EMSY: variants seen among roughly 807,000 people sequenced by gnomAD.
The protein encoded by EMSY is EMSY transcriptional repressor, BRCA2 interacting.
Under a neutral mutation model 134.6 loss-of-function variants are expected in EMSY, and 26 were observed. That is an observed-to-expected ratio of 0.19 (90% CI 0.14 to 0.27). The LOEUF (loss-of-function observed/expected upper bound fraction) is 0.27, where lower values mean the gene tolerates loss of function less well. EMSY is among the 10% of genes least tolerant of loss of function. The pLI is 1.00. For missense variants in EMSY, 1,305 were observed against 1,611.4 expected, an observed-to-expected ratio of 0.81 and a Z score of 3.26; for synonymous variants, 579 against 577.8, an observed-to-expected ratio of 1.00 and a Z score of -0.03.
At chr11:76,545,922 A>G (rs1324627716) in exon 20 of EMSY, 2 of 1,614,200 alleles carry the variant, frequency 1.2e-6, no homozygotes, top group South Asian at 1.1e-5. Context: ...CACCAGTTAC[A>G]AGCATATCTC....
chr11:76,473,753 G>A (rs1325623962), intron 8 of EMSY, among the ~76,000 whole-genome samples: 1 of 152,136 alleles, frequency 6.6e-6, no homozygotes, highest in Non-Finnish European at 1.5e-5. Context: ...ACTTTGGGAA[G>A]CGGAGGCAGG....
At chr11:76,462,363 C>G (rs947324185) in intron 6 of EMSY, among the ~76,000 whole-genome samples, 2 of 152,166 alleles carry the variant, frequency 1.3e-5, no homozygotes, top group Non-Finnish European at 2.9e-5. Flanking sequence ...AGAAGTCATA[C>G]CAACAACATT....
intron 9 of EMSY, 31 bp downstream of exon 10, chr11:76,496,500 ATTC>A (rs1183482001): frequency 6.2e-6 from 10 of 1,607,084 alleles, no homozygotes; most frequent in East Asian, 2.2e-5. Context: ...AGATATGGTA[ATTC>A]TTCTTTATTC....
intron 17 of EMSY, 37 bp downstream of exon 18, chr11:76,539,677 G>T: frequency 6.3e-7 from 1 of 1,599,852 alleles, no homozygotes; most frequent in Non-Finnish European, 8.6e-7. Context: ...ATCACTGAAG[G>T]TAAAAGATGA....
At chr11:76,526,526 C>T in exon 13 of EMSY, 1 of 1,613,768 alleles carries the variant, frequency 6.2e-7, no homozygotes, top group East Asian at 2.2e-5. Context: ...GCTACAAGAC[C>T]CATCACCAAA....
chr11:76,497,379 G>T (rs1949698079), intron 9 of EMSY: 1 of 152,140 alleles, frequency 6.6e-6, no homozygotes, highest in South Asian at 2.1e-4. Context: ...GGTGAGTTTG[G>T]AAGTATTTAT....
Position 76,536,276 on chromosome 11 carries a change from G to A in EMSY, c.2359+217G>A, listed in dbSNP as rs73495423. ...ATGTGCACAGGAATATTGAAGTACA[G>A]ATGGACTATCTGTAGAAAAGAGAAA... On this transcript the variant is annotated intron_variant, in intron 15 of 20. Transcript: ENST00000334736. Among the ~76,000 whole-genome samples the A allele has an allele frequency of 5.0e-3, 758 of 152,190 alleles. 4 individuals are homozygous for A. The highest frequency in any genetic ancestry group is 0.017 in the African/African-American group (720 of 41,524).
chr11:76,530,197 T>C (rs1204162484), intron 14 of EMSY, among the ~76,000 whole-genome samples: 2 of 149,474 alleles, frequency 1.3e-5, no homozygotes, highest in African/African-American at 5.0e-5. Flanking sequence ...TTCACTCTTG[T>C]TGCCCAGACT....
At chr11:76,539,215 T>A (rs1951341037) in intron 16 of EMSY, among the ~76,000 whole-genome samples, 1 of 152,152 alleles carries the variant, frequency 6.6e-6, no homozygotes, top group Admixed American at 6.5e-5. Context: ...AGCAGTAATG[T>A]GAATAATTAA....
At chr11:76,458,324 T>C in exon 5 of EMSY, 1 of 1,613,036 alleles carries the variant, frequency 6.2e-7, no homozygotes, top group Middle Eastern at 1.7e-4. Context: ...ATAATGCATC[T>C]CTTCCAGTGC....
At position 76,521,180 on chromosome 11, in the gene EMSY, A is replaced by G. The variant is rs73495406; in HGVS notation, c.1685-1975A>G. On this transcript the variant is annotated intron_variant, in intron 11 of 20. Coordinates refer to ENST00000334736, the Ensembl canonical transcript of EMSY. ...TAATGAAGAAGTTACTTCTTAGATCAAAGTTTATGGTGTGTACTCTGGAGT... is the reference window on the plus strand; with the variant it reads ...TAATGAAGAAGTTACTTCTTAGATCGAAGTTTATGGTGTGTACTCTGGAGT... Among the ~76,000 whole-genome samples the G allele has an allele frequency of 5.0e-3, 759 of 152,292 alleles. 4 individuals are homozygous for G. Among genetic ancestry groups the G allele is most frequent in the African/African-American group, 0.017 (721 of 41,556 alleles).
Position 76,463,808 on chromosome 11 carries a change from C to A in EMSY, c.572-13C>A. ...TTTGGTATACATATAGCAGTATTGT[C>A]ATTGCCCTTCAGGTGTAAGCTGTTC... is the stretch of plus-strand genomic sequence containing the variant. On this transcript the variant is annotated splice_polypyrimidine_tract_variant and intron_variant, in intron 6 of 20. Transcript: ENST00000334736. 1 of 1,613,710 alleles carries A rather than the reference C, an allele frequency of 6.2e-7. No individual in the cohort carries two copies. Among genetic ancestry groups the A allele is most frequent in the South Asian group, 1.1e-5 (1 of 90,970 alleles).
Position 76,488,018 on chromosome 11 carries a change from A to G in EMSY, c.1109-8197A>G, listed in dbSNP as rs192942435. On this transcript the variant is annotated intron_variant, in intron 8 of 20. Transcript: ENST00000334736. ...TTTTAAAAAATGTTCTTTGAACTTC[A>G]TATTTCTCTAAGGCTCGTGTTAAAA... 4.5e-3 allele frequency among the ~76,000 whole-genome samples: 690 copies of G among 152,322 alleles called. 3 individuals carry two copies. The highest frequency in any genetic ancestry group is 0.017 in the Middle Eastern group (5 of 294).
chr11:76,498,328 A>G (rs568214475), intron 9 of EMSY, among the ~76,000 whole-genome samples: 1 of 152,294 alleles, frequency 6.6e-6, no homozygotes, highest in Non-Finnish European at 1.5e-5. Flanking sequence ...TATGTATATC[A>G]ACTAGATTCT....
At chr11:76,489,754 A>G (rs527787884) in intron 8 of EMSY, among the ~76,000 whole-genome samples, 4 of 152,066 alleles carry the variant, frequency 2.6e-5, no homozygotes, top group African/African-American at 9.6e-5. Context: ...ATGGGCGTGC[A>G]CCACCACGCC....
In EMSY at chr11:76,451,943, A is replaced by G. The variant is rs562451809; in HGVS notation, c.156A>G (p.Leu52=). Residue 52 remains leucine, a synonymous_variant, in exon 3 of 21, where the codon CTA becomes CTG. Coordinates refer to ENST00000334736, the Ensembl canonical transcript of EMSY. ...AAAAGAAAGATCTTCTTGGAGAACT[A>G]TCAAAAGTTCTTAGGTAAATTATTG... 2.1e-5 allele frequency: 33 copies of G among 1,580,078 alleles called. No individual in the cohort carries two copies. The East Asian group carries it at 6.2e-4, about 30-fold the overall frequency.
intron 10 of EMSY, among the ~76,000 whole-genome samples, chr11:76,514,457 A>T (rs1364591672): frequency 6.6e-6 from 1 of 152,152 alleles, no homozygotes; most frequent in Non-Finnish European, 1.5e-5. Flanking sequence ...CAGACATTGC[A>T]CTTCATATCC....
At position 76,453,255 on chromosome 11, in the gene EMSY, A is replaced by G. The variant is rs1232900508; in HGVS notation, c.171-59A>G. 5.3e-6 allele frequency: 8 copies of G among 1,501,742 alleles called. No homozygotes were observed. In the African/African-American group the frequency reaches 9.7e-5, roughly 18 times the overall value. The allele number at this position is 1,501,742 out of a possible 1,614,324, so 93.0% of individuals were successfully genotyped here. On this transcript the variant is annotated intron_variant, in intron 3 of 20. Coordinates refer to ENST00000334736, the Ensembl canonical transcript of EMSY. ...AAAAATGTTGACTTAAACATTAATG[A>G]AAGTATAGAAAGAGCTGCCTGCTTG...
intron 11 of EMSY, among the ~76,000 whole-genome samples, chr11:76,517,309 G>A (rs1352175224): frequency 6.6e-6 from 1 of 152,138 alleles, no homozygotes; most frequent in Non-Finnish European, 1.5e-5. Flanking sequence ...GAGAAAATCC[G>A]ATGTTTGCCA....
Sources: gnomAD v4.1 joint callset for allele counts (sites outside exome capture counted in the v4.1 genomes callset) on GRCh38, gnomAD v4.1.1 for gene constraint, MANE v1.5 for transcripts, NCBI Gene and HGNC (gene_info 2026-07-23, HGNC 2026-07-21) for gene names.